MYO10: variants seen among roughly 807,000 people sequenced by gnomAD.
MYO10 encodes unconventional myosin-X.
Under a neutral mutation model 257.3 loss-of-function variants are expected in MYO10, and 133 were observed. The observed-to-expected ratio is 0.52, with a 90% confidence interval of 0.45 to 0.60. MYO10 has a LOEUF of 0.60. Among genes scored for constraint, MYO10 ranks in the 20% least tolerant of loss-of-function variants. MYO10 has a pLI of 0.00. For synonymous variants in MYO10, 1,104 were observed against 1,028.6 expected (o/e 1.07, Z -1.40); for missense variants, 2,399 against 2,635.7 (o/e 0.91, Z 1.97).
At chr5:16,749,051 C>G (rs1270692633) in intron 19 of MYO10, among the ~76,000 whole-genome samples, 2 of 152,128 alleles carry the variant, frequency 1.3e-5, no homozygotes, top group African/African-American at 4.8e-5. Context: ...CTCCCTAACT[C>G]CACTCCACGT....
At chr5:16,722,216 G>A (rs1739179182) in intron 19 of MYO10, among the ~76,000 whole-genome samples, 1 of 152,220 alleles carries the variant, frequency 6.6e-6, no homozygotes, top group African/African-American at 2.4e-5. Flanking sequence ...AGCACACGCT[G>A]TACTTGCATG....
At chr5:16,838,771 TGC>T (rs1437080956) in intron 2 of MYO10, among the ~76,000 whole-genome samples, 1 of 152,212 alleles carries the variant, frequency 6.6e-6, no homozygotes, top group Non-Finnish European at 1.5e-5. Flanking sequence ...TAGGGGTTAA[TGC>T]AAATGAGGAC....
At chr5:16,746,433 T>C (rs1265278459) in intron 19 of MYO10, among the ~76,000 whole-genome samples, 1 of 152,178 alleles carries the variant, frequency 6.6e-6, no homozygotes, top group Non-Finnish European at 1.5e-5. Flanking sequence ...CTATTCAAGA[T>C]GGAGTTGCTC....
In MYO10 at chr5:16,664,772, T is replaced by A. The variant is rs1736088960; in HGVS notation, c.*1920A>T. 6.6e-6 allele frequency: 1 copy of A among 152,226 alleles called. No homozygotes were observed. Among genetic ancestry groups the A allele is most frequent in the Non-Finnish European group, 1.5e-5 (1 of 68,046 alleles). 9.4% of individuals were successfully genotyped at this position (152,226 alleles called of 1,614,324 possible). A position where few individuals can be genotyped will look rare whatever the true frequency, so the allele number is the denominator to read the frequency against. On this transcript the variant is annotated 3_prime_UTR_variant, in exon 41 of 41. Transcript: ENST00000513610. ...TAAACACATTTCAAGTCCTCAGCTG[T>A]GTGTGACTTCATTTACCAGTCCCTT...
intron 2 of MYO10, among the ~76,000 whole-genome samples, chr5:16,858,345 G>A (rs952570700): frequency 6.6e-6 from 1 of 151,214 alleles, no homozygotes; most frequent in Non-Finnish European, 1.5e-5. Flanking sequence ...CACTGGAGTC[G>A]TCACATAAGC....
intron 19 of MYO10, among the ~76,000 whole-genome samples, chr5:16,716,135 T>C (rs1240318675): frequency 1.3e-5 from 2 of 152,014 alleles, no homozygotes; most frequent in Admixed American, 6.6e-5. Context: ...AAGAGAAAGT[T>C]TGCATCCTGG....
intron 19 of MYO10, among the ~76,000 whole-genome samples, chr5:16,734,250 A>G (rs1579926559): frequency 1.3e-5 from 2 of 152,194 alleles, no homozygotes; most frequent in East Asian, 3.9e-4. Context: ...CAGCGATCCA[A>G]TTTGCTTTAC....
At chr5:16,830,310 A>G (rs186800801) in intron 2 of MYO10, among the ~76,000 whole-genome samples, 234 of 152,224 alleles carry the variant, frequency 1.5e-3, no homozygotes, top group African/African-American at 5.3e-3. Context: ...TTATAGACTC[A>G]GGTACAGATT....
At chr5:16,783,570 GA>G in intron 4 of MYO10, 101 bp from the exon 5 acceptor site, 2 of 1,283,508 alleles carry the variant, frequency 1.6e-6, no homozygotes, top group Non-Finnish European at 2.1e-6. Context: ...AACAATGGTA[GA>G]AAGGTGGGAA....
intron 1 of MYO10, among the ~76,000 whole-genome samples, chr5:16,881,307 A>G (rs923782648): frequency 2.6e-5 from 4 of 152,068 alleles, no homozygotes; most frequent in African/African-American, 9.7e-5. Context: ...TCCAGAACAT[A>G]TTTTTTCACT....
At chr5:16,888,248 G>A (rs1744946835) in intron 1 of MYO10, among the ~76,000 whole-genome samples, 1 of 152,082 alleles carries the variant, frequency 6.6e-6, no homozygotes, top group Admixed American at 6.6e-5. Flanking sequence ...CTAGCTCTAG[G>A]CTGGGCATAG....
chr5:16,777,350 C>G (rs375539080), intron 9 of MYO10, among the ~76,000 whole-genome samples: 3 of 152,148 alleles, frequency 2.0e-5, no homozygotes, highest in African/African-American at 7.2e-5. Context: ...TGTATATAGC[C>G]TAGTCCGTTT....
intron 3 of MYO10, among the ~76,000 whole-genome samples, chr5:16,807,839 CTTT>C (rs1395863773): frequency 6.6e-6 from 1 of 152,124 alleles, no homozygotes; most frequent in African/African-American, 2.4e-5. Context: ...GACGCTCCTT[CTTT>C]GTGTTCCCAT....
At position 16,870,317 on chromosome 5, in the gene MYO10, G is replaced by A. The variant is rs1253873590; in HGVS notation, c.120+7292C>T. Among the ~76,000 whole-genome samples the A allele has an allele frequency of 1.3e-5, 2 of 151,378 alleles. 1 individual carries two copies. The highest frequency in any genetic ancestry group is 3.9e-4 in the East Asian group (2 of 5,112). On this transcript the variant is annotated intron_variant, in intron 2 of 40. Coordinates refer to ENST00000513610, the MANE Select transcript of MYO10 (RefSeq NM_012334.3). ...TGGTGGAATACGGAAGGGCTTGAGT[G>A]CTTCTTGCTCTTCATTTTAAGTAAT...
intron 2 of MYO10, among the ~76,000 whole-genome samples, chr5:16,856,104 A>C (rs1466248513): frequency 6.6e-6 from 1 of 152,226 alleles, no homozygotes; most frequent in African/African-American, 2.4e-5. Flanking sequence ...ACACGCCTGC[A>C]TTCAAGTCTT....
chr5:16,689,088 C>T (rs1737374975), intron 28 of MYO10, among the ~76,000 whole-genome samples: 1 of 152,226 alleles, frequency 6.6e-6, no homozygotes, highest in African/African-American at 2.4e-5. Flanking sequence ...CTCCATTCAA[C>T]AGAATTGAGG....
At chr5:16,692,244 A>C (rs1737544044) in intron 27 of MYO10, among the ~76,000 whole-genome samples, 2 of 152,022 alleles carry the variant, frequency 1.3e-5, no homozygotes, top group Admixed American at 1.3e-4. Context: ...AATATGTGAA[A>C]CCCTGTCTCT....
intron 1 of MYO10, among the ~76,000 whole-genome samples, chr5:16,897,771 G>T (rs1456509959): frequency 6.6e-6 from 1 of 152,184 alleles, no homozygotes; most frequent in East Asian, 1.9e-4. Context: ...GATTGTAGGG[G>T]GGCAGAGCCA....
chr5:16,869,106 G>T (rs1401519659), intron 2 of MYO10, among the ~76,000 whole-genome samples: 1 of 151,954 alleles, frequency 6.6e-6, no homozygotes, highest in African/African-American at 2.4e-5. Flanking sequence ...CTCACTGCAA[G>T]CTCCGTCTCC....
Sources: allele counts gnomAD v4.1 joint callset (sites outside exome capture counted in the v4.1 genomes callset), GRCh38; gene constraint gnomAD v4.1.1; transcripts MANE v1.5; gene names NCBI Gene and HGNC (gene_info 2026-07-23, HGNC 2026-07-21).